Variants in MARCHF1 observed in about 807,000 individuals in gnomAD.
The protein encoded by MARCHF1 is membrane associated ring-CH-type finger 1, also known as E3 ubiquitin-protein ligase MARCHF1.
MARCHF1 carries 40 observed loss-of-function variants against 54.2 expected under a neutral mutation model. The observed-to-expected ratio is 0.74, with a 90% CI of 0.57 to 0.96. MARCHF1 has a LOEUF of 0.96. Ranked by LOEUF, MARCHF1 falls within the 40% of genes least tolerant of loss-of-function variation. The pLI is 0.00. For missense variants in MARCHF1, 586 were observed against 656.5 expected (o/e 0.89, Z 1.17); for synonymous variants, 236 against 236.3 (o/e 1.00, Z 0.01).
intron 2 of MARCHF1, among the ~76,000 whole-genome samples, chr4:164,077,407 G>A (rs1755003428): frequency 6.6e-6 from 1 of 152,096 alleles, no homozygotes; most frequent in Non-Finnish European, 1.5e-5. Flanking sequence ...TGAAATGTAA[G>A]ACCTAAAACC....
chr4:164,173,525 A>C (rs1045706176), intron 1 of MARCHF1, among the ~76,000 whole-genome samples: 2 of 152,168 alleles, frequency 1.3e-5, no homozygotes, highest in African/African-American at 4.8e-5. Flanking sequence ...TTGAAATGTA[A>C]TCTTCAGTGT....
chr4:164,184,404 C>T (rs1375043140), intron 1 of MARCHF1, among the ~76,000 whole-genome samples: 1 of 152,068 alleles, frequency 6.6e-6, no homozygotes, highest in Admixed American at 6.6e-5. Flanking sequence ...AATAGTTATC[C>T]ACTTTTAGCT....
intron 2 of MARCHF1, among the ~76,000 whole-genome samples, chr4:164,083,380 T>A (rs1481390457): frequency 6.6e-6 from 1 of 152,228 alleles, no homozygotes; most frequent in East Asian, 1.9e-4. Flanking sequence ...GGATGACTTA[T>A]CTTGTCACAT....
chr4:163,941,797 A>G (rs559711577), intron 3 of MARCHF1, among the ~76,000 whole-genome samples: 8 of 152,296 alleles, frequency 5.3e-5, no homozygotes, highest in African/African-American at 1.7e-4. Context: ...CAACATATGG[A>G]AAGTACTTAA....
Position 163,733,258 on chromosome 4 carries a change from T to TACACAC in MARCHF1, c.112-32401_112-32396dup, listed in dbSNP as rs56295544. 4.0e-4 allele frequency among the ~76,000 whole-genome samples: 18 copies of TACACAC among 45,066 alleles called. 1 individual carries two copies. The highest frequency in any genetic ancestry group is 1.2e-3 in the African/African-American group (18 of 15,260). The allele number at this position is 45,066 out of a possible 152,430, so 29.6% of individuals were successfully genotyped here. A position where few individuals can be genotyped will look rare whatever the true frequency, so the allele number is the denominator to read the frequency against. ...ATATATATACACGTGTATATATATA[T>TACACAC]ACACACACACACACACACAGACACA... On this transcript the variant is annotated intron_variant, in intron 4 of 9. Coordinates refer to ENST00000514618, the MANE Select transcript of MARCHF1 (RefSeq NM_001394959.1).
At chr4:163,615,582 T>TA (rs5863618) in intron 5 of MARCHF1, among the ~76,000 whole-genome samples, 48 of 151,210 alleles carry the variant, frequency 3.2e-4, no homozygotes, top group African/African-American at 1.0e-3. Context: ...TGAAGAGGAA[T>TA]AAAAAAAAAT....
chr4:164,035,301 T>C (rs1370495487), intron 2 of MARCHF1, among the ~76,000 whole-genome samples: 1 of 152,026 alleles, frequency 6.6e-6, no homozygotes, highest in Non-Finnish European at 1.5e-5. Flanking sequence ...AATAATTCAG[T>C]GACAACCAGA....
intron 2 of MARCHF1, among the ~76,000 whole-genome samples, chr4:164,032,729 G>T (rs542272640): frequency 6.6e-6 from 1 of 152,230 alleles, no homozygotes; most frequent in Non-Finnish European, 1.5e-5. Flanking sequence ...TTTTGTATTT[G>T]CTGAGGAGTG....
At chr4:164,189,339 C>G (rs1212802837) in intron 1 of MARCHF1, 1 of 610,380 alleles carries the variant, frequency 1.6e-6, no homozygotes, top group African/African-American at 1.8e-5. Flanking sequence ...TTTCTGAGAC[C>G]CTGACTCAGG....
chr4:164,036,469 T>C (rs1754005763), intron 2 of MARCHF1, among the ~76,000 whole-genome samples: 1 of 152,120 alleles, frequency 6.6e-6, no homozygotes, highest in Non-Finnish European at 1.5e-5. Flanking sequence ...TGTCTGAAAA[T>C]ATATTAAATA....
intron 4 of MARCHF1, among the ~76,000 whole-genome samples, chr4:163,797,442 C>T (rs1747950347): frequency 6.6e-6 from 1 of 151,762 alleles, no homozygotes; most frequent in Non-Finnish European, 1.5e-5. Context: ...CTTGAAGTTG[C>T]CAAATATTAT....
chr4:163,897,872 T>C (rs1008702209), intron 3 of MARCHF1, among the ~76,000 whole-genome samples: 1 of 148,022 alleles, frequency 6.8e-6, no homozygotes, highest in Non-Finnish European at 1.5e-5. Context: ...CTGACTAACA[T>C]GATGAAACCC....
At chr4:163,573,053 G>A (rs1000373247) in intron 8 of MARCHF1, among the ~76,000 whole-genome samples, 1 of 152,128 alleles carries the variant, frequency 6.6e-6, no homozygotes, top group Non-Finnish European at 1.5e-5. Context: ...GAAGGAGGCT[G>A]ACTTGGGAGA....
chr4:163,700,574 AAGG>A (rs1185145785), intron 5 of MARCHF1, among the ~76,000 whole-genome samples: 1 of 150,802 alleles, frequency 6.6e-6, no homozygotes, highest in Non-Finnish European at 1.5e-5. Context: ...GGAAGGAAGG[AAGG>A]AAGGAAGGAA....
chr4:164,115,655 A>ATCCAAAT (rs1553983576), intron 1 of MARCHF1, among the ~76,000 whole-genome samples: 3 of 151,844 alleles, frequency 2.0e-5, no homozygotes, highest in African/African-American at 7.2e-5. Context: ...GCTAAATGTT[A>ATCCAAAT]TTCAAATTAT....
At chr4:164,159,440 T>C (rs1436615811) in intron 1 of MARCHF1, among the ~76,000 whole-genome samples, 1 of 152,178 alleles carries the variant, frequency 6.6e-6, no homozygotes, top group Non-Finnish European at 1.5e-5. Context: ...AATGTTTCTC[T>C]CCTTTTTAAT....
At chr4:163,672,831 C>T (rs1170351350) in intron 5 of MARCHF1, among the ~76,000 whole-genome samples, 2 of 152,146 alleles carry the variant, frequency 1.3e-5, no homozygotes, top group East Asian at 3.9e-4. Context: ...TTGACGTTTC[C>T]TGCATCCCTT....
intron 1 of MARCHF1, among the ~76,000 whole-genome samples, chr4:164,314,141 G>A (rs1734938160): frequency 1.3e-5 from 2 of 152,186 alleles, no homozygotes; most frequent in Admixed American, 1.3e-4. Context: ...TGTCTTCTCT[G>A]CTTTGTGTCA....
At chr4:164,190,786 T>C (rs943835638) in intron 1 of MARCHF1, among the ~76,000 whole-genome samples, 1 of 152,222 alleles carries the variant, frequency 6.6e-6, no homozygotes, top group African/African-American at 2.4e-5. Flanking sequence ...AATCCTTTTA[T>C]ATTTGCATGA....
Sources: allele counts gnomAD v4.1 joint callset (sites outside exome capture counted in the v4.1 genomes callset), GRCh38; gene constraint gnomAD v4.1.1; transcripts MANE v1.5; gene names NCBI Gene and HGNC (gene_info 2026-07-23, HGNC 2026-07-21).